H2BC4: variants seen among roughly 807,000 people sequenced by gnomAD.
H2BC4 encodes histone H2B type 1-C/E/F/G/I.
A neutral mutation model predicts 6.2 loss-of-function variants in H2BC4; 10 were observed. That is an observed-to-expected ratio of 1.61 (90% CI 0.99 to 2.73). H2BC4 has a LOEUF of 2.73. Among genes scored for constraint, H2BC4 ranks in the 30% most tolerant of loss-of-function variants. H2BC4 has a pLI of 0.00. For synonymous variants in H2BC4, 146 were observed against 70.7 expected (o/e 2.07, Z -5.35); for missense variants, 176 against 168.7 (o/e 1.04, Z -0.24).
chr6:26,115,246 G>A (rs554151234), intron 1 of H2BC4: 24 of 152,320 alleles, frequency 1.6e-4, no homozygotes, highest in African/African-American at 4.8e-4. Flanking sequence ...TTCACTGGAT[G>A]TTTGCTCTGT....
downstream of H2BC4, among the ~76,000 whole-genome samples, chr6:26,121,774 C>T (rs1198869095): frequency 1.1e-4 from 17 of 151,690 alleles, 1 homozygote; most frequent in Admixed American, 9.8e-4. Flanking sequence ...ACCATTTAGG[C>T]CCGGCGCGGT....
Position 26,123,699 on chromosome 6 carries a change from T to C in H2BC4, c.206A>G (p.Asp69Gly), listed in dbSNP as rs747654721. 6.2e-7 allele frequency: 1 copy of C among 1,614,248 alleles called. No individual in the cohort carries two copies. ...AMGIMNSFVN[D>G]IFERIAGEAS... ...CTCGCCCGCGATGCGCTCAAATATGTCGTTAACGAAAGAATTCATGATGCC... is the reference window on the plus strand; with the variant it reads ...CTCGCCCGCGATGCGCTCAAATATGCCGTTAACGAAAGAATTCATGATGCC... Residue 69 changes from aspartate (D) to glycine (G), a missense_variant, in exon 1 of 1, where the codon GAC becomes GGC. Asp to Gly is a moderately conservative substitution (Grantham distance 94). Transcript: ENST00000396984.
At chr6:26,122,404 T>C (rs1422316628), downstream of H2BC4, among the ~76,000 whole-genome samples, 1 of 152,196 alleles carries the variant, frequency 6.6e-6, no homozygotes, top group African/African-American at 2.4e-5. Flanking sequence ...TGTTCTAGAC[T>C]TGAATAAAAA....
downstream of H2BC4, among the ~76,000 whole-genome samples, chr6:26,122,053 C>CAA (rs67046086): frequency 8.0e-6 from 1 of 124,224 alleles, no homozygotes; most frequent in South Asian, 2.6e-4. Context: ...AACTTCGTCT[C>CAA]AAAAAAAAAA....
Position 26,117,722 on chromosome 6 carries a change from T to C in H2BC4, c.*10-2587A>G, listed in dbSNP as rs868404415. Among the ~76,000 whole-genome samples the C allele has an allele frequency of 2.8e-4, 43 of 152,334 alleles. 1 individual carries two copies. The highest frequency in any genetic ancestry group is 9.4e-4 in the African/African-American group (39 of 41,580). ...ACTATTTACTTGTGCTCAAGGTATA[T>C]CAAGCAATGGACTGATTTCACTCAA... On this transcript the variant is annotated intron_variant, in intron 1 of 1. Coordinates refer to the H2BC4 transcript ENST00000314332.
chr6:26,119,148 T>C (rs1456902954), downstream of H2BC4, among the ~76,000 whole-genome samples: 2 of 151,972 alleles, frequency 1.3e-5, no homozygotes, highest in African/African-American at 2.4e-5. Flanking sequence ...AAGCAGGCAA[T>C]TGTGTTCCCG....
At chr6:26,121,650 T>G (rs1233533616), downstream of H2BC4, among the ~76,000 whole-genome samples, 1 of 152,134 alleles carries the variant, frequency 6.6e-6, no homozygotes, top group Non-Finnish European at 1.5e-5. Flanking sequence ...GAAAGAATAC[T>G]GAATTTTGTT....
At chr6:26,122,912 C>T (rs1763522721), downstream of H2BC4, among the ~76,000 whole-genome samples, 1 of 152,184 alleles carries the variant, frequency 6.6e-6, no homozygotes, top group Non-Finnish European at 1.5e-5. Context: ...GTTATCAAAA[C>T]TGACGCATAT....
downstream of H2BC4, among the ~76,000 whole-genome samples, chr6:26,122,210 C>A (rs1443020763): frequency 6.6e-6 from 1 of 152,078 alleles, no homozygotes; most frequent in African/African-American, 2.4e-5. Flanking sequence ...CAAAGACAGG[C>A]CTTAGTTTAT....
downstream of H2BC4, among the ~76,000 whole-genome samples, chr6:26,118,896 T>C (rs2113795476): frequency 6.6e-6 from 1 of 152,314 alleles, no homozygotes; most frequent in African/African-American, 2.4e-5. Flanking sequence ...CAGAGAAGAT[T>C]GGTTATTACA....
rs1763431365 is a variant in H2BC4, at chr6:26,117,099, A to C, written c.*10-1964T>G. On this transcript the variant is annotated intron_variant, in intron 1 of 1. Coordinates refer to the H2BC4 transcript ENST00000314332. The stretch of plus-strand genomic sequence containing the variant: ...GGAATATGCCTAGAGAGCTAATTTC[A>C]TATGTTCAGGGAAAAAAAGTGTATT... 2.6e-5 allele frequency among the ~76,000 whole-genome samples: 4 copies of C among 152,290 alleles called. No homozygotes were observed. In the South Asian group the frequency reaches 6.2e-4, roughly 24 times the overall value.
downstream of H2BC4, among the ~76,000 whole-genome samples, chr6:26,121,874 G>A (rs1429957787): frequency 6.6e-6 from 1 of 151,918 alleles, no homozygotes; most frequent in African/African-American, 2.4e-5. Flanking sequence ...CCGACATGGA[G>A]AAACCTCGTC....
Position 26,123,594 on chromosome 6 carries a change from G to A in H2BC4, c.311C>T (p.Pro104Leu). 4 of 1,614,258 alleles carry A rather than the reference G, an allele frequency of 2.5e-6. No individual in the cohort carries two copies. Among genetic ancestry groups the A allele is most frequent in the Non-Finnish European group, 3.4e-6 (4 of 1,180,042 alleles). ...CACGGCGTGCTTGGCCAGCTCTCCG[G>A]GAAGCAGCAGGCGCACGGCCGTCTG... ...EIQTAVRLLL[P>L]GELAKHAVSE... The change falls in exon 1 of 1, where the codon CCC (proline) becomes CTC (leucine). Residue 104 changes from proline to leucine, a missense_variant. Coordinates refer to ENST00000396984, the MANE Select transcript of H2BC4 (RefSeq NM_003526.3).
rs930072667 is a variant in H2BC4 at position 26,123,910 on chromosome 6, A to G, written c.-6T>C. Reference sequence around the variant, plus strand: ...GACTTGGCTGGCTCAGGCATCTTAAAACACCAGAAATGTGTCGAAAGTAAA... The same window carrying G: ...GACTTGGCTGGCTCAGGCATCTTAAGACACCAGAAATGTGTCGAAAGTAAA... On this transcript the variant is annotated 5_prime_UTR_variant, in exon 1 of 1. Coordinates refer to ENST00000396984, the MANE Select transcript of H2BC4 (RefSeq NM_003526.3). 1 of 1,612,216 alleles carries G rather than the reference A, an allele frequency of 6.2e-7. No homozygotes were observed. Among genetic ancestry groups the G allele is most frequent in the Admixed American group, 1.7e-5 (1 of 59,214 alleles).
At chr6:26,116,781 T>C (rs1763427414) in intron 1 of H2BC4, among the ~76,000 whole-genome samples, 1 of 152,154 alleles carries the variant, frequency 6.6e-6, no homozygotes, top group South Asian at 2.1e-4. Flanking sequence ...TTTTCTTAAT[T>C]ATAATGAACT....
chr6:26,118,089 T>A (rs1250414396), intron 1 of H2BC4, among the ~76,000 whole-genome samples: 3 of 152,228 alleles, frequency 2.0e-5, no homozygotes, highest in Non-Finnish European at 2.9e-5. Context: ...GGTAAAAATA[T>A]CTCATAAAGG....
At chr6:26,123,009 A>G (rs1332347913), downstream of H2BC4, among the ~76,000 whole-genome samples, 1 of 152,170 alleles carries the variant, frequency 6.6e-6, no homozygotes, top group Non-Finnish European at 1.5e-5. Context: ...ACGAAAACAG[A>G]GGGGGAGTCC....
Position 26,123,799 on chromosome 6 carries a change from C to A in H2BC4, c.106G>T (p.Glu36Ter), listed in dbSNP as rs1763558293. 1.9e-6 allele frequency: 3 copies of A among 1,614,152 alleles called. No homozygotes were observed. Among genetic ancestry groups the A allele is most frequent in the African/African-American group, 2.7e-5 (2 of 74,950 alleles). ...TTGTACACGTACACAGAGTAACTCT[C>A]CTTGCGGCTGCGCTTGCGCTTCTTG... is the stretch of plus-strand genomic sequence containing the variant. ...DGKKRKRSRK[E>*]SYSVYVYKVL... is the part of the protein sequence containing the mutation. Residue 36 changes from glutamate (E) to a stop codon, truncating the protein, a stop_gained, in exon 1 of 1, where the codon GAG (glutamate) becomes TAG (stop). Coordinates refer to ENST00000396984, the MANE Select transcript of H2BC4 (RefSeq NM_003526.3). LOFTEE classifies it high-confidence loss of function.
chr6:26,114,766 T>C (rs1183941769), downstream of H2BC4: 1 of 151,878 alleles, frequency 6.6e-6, no homozygotes, highest in Non-Finnish European at 1.5e-5. Context: ...AGTATATTTA[T>C]CTAAATATAT....
Sources: allele counts gnomAD v4.1 joint callset (sites outside exome capture counted in the v4.1 genomes callset), GRCh38; gene constraint gnomAD v4.1.1; transcripts MANE v1.5; gene names NCBI Gene and HGNC (gene_info 2026-07-23, HGNC 2026-07-21).